The following CSF1 variants were observed in gnomAD, a reference collection of about 807,000 sequenced individuals.
The protein encoded by CSF1 is colony stimulating factor 1.
CSF1 carries 9 observed loss-of-function variants against 48.9 expected under a neutral mutation model. That is an observed-to-expected ratio of 0.18 (90% CI 0.11 to 0.32). The LOEUF is 0.32. CSF1 is among the 10% of genes least tolerant of loss of function. CSF1 has a pLI of 1.00. For synonymous variants in CSF1, 305 were observed against 284.1 expected (o/e 1.07, Z -0.74); for missense variants, 672 against 697.9 (o/e 0.96, Z 0.42).
Position 109,923,472 on chromosome 1 carries a change from T to C in CSF1, c.851T>C (p.Val284Ala). ...GGCTCACCACAGCCTCGCCCCTCTG[T>C]CGGGGCCTTCAACCCCGGGATGGAG... ...IGGSPQPRPS[V>A]GAFNPGMEDI... The change falls in exon 6 of 9, where the codon GTC becomes GCC. Residue 284 changes from valine to alanine, a missense_variant. Around this residue, in one of 3 missense-constraint regions of CSF1, gnomAD observed 591 missense variants for 593.6 expected, o/e 1.00. Transcript: ENST00000329608. 1 of 1,614,102 alleles carries C rather than the reference T, an allele frequency of 6.2e-7. No individual in the cohort carries two copies. Among genetic ancestry groups the C allele is most frequent in the Non-Finnish European group, 8.5e-7 (1 of 1,179,978 alleles).
At chr1:109,917,566 C>T (rs143853954) in intron 4 of CSF1, 103 bp downstream of exon 4, 15 of 1,147,690 alleles carry the variant, frequency 1.3e-5, no homozygotes, top group East Asian at 2.4e-5. Flanking sequence ...CCTCGCCTCA[C>T]GCCATTGCTT....
rs755555991 is a variant in CSF1 at position 109,929,449 on chromosome 1, C to T, written c.*611C>T. ...TGACAGCCTGAAGGGTCTACACCCT[C>T]GGCTCACCTAAGTGCCCTGTGCTGG... On this transcript the variant is annotated 3_prime_UTR_variant, in exon 9 of 9. Transcript: ENST00000329608. The T allele has an allele frequency of 3.3e-5, 5 of 152,668 alleles. No homozygotes were observed. Among genetic ancestry groups the T allele is most frequent in the African/African-American group, 4.8e-5 (2 of 41,442 alleles). 9.5% of individuals were successfully genotyped at this position (152,668 alleles called of 1,614,324 possible). A position where few individuals can be genotyped will look rare whatever the true frequency, so the allele number is the denominator to read the frequency against.
chr1:109,923,331 G>A lies in CSF1; in HGVS notation c.710G>A (p.Gly237Asp). 6.2e-7 allele frequency: 1 copy of A among 1,612,504 alleles called. No individual in the cohort carries two copies. Among genetic ancestry groups the A allele is most frequent in the Non-Finnish European group, 8.5e-7 (1 of 1,179,182 alleles). Residue 237 changes from glycine to aspartate, a missense_variant, in exon 6 of 9, where the codon GGT becomes GAT. Around this residue, in one of 3 missense-constraint regions of CSF1, gnomAD observed 591 missense variants for 593.6 expected, o/e 1.00. Coordinates refer to ENST00000329608, the MANE Select transcript of CSF1 (RefSeq NM_000757.6). The stretch of plus-strand genomic sequence containing the variant: ...ACTGAGGGCAGCTCCCTCTTGCCTG[G>A]TGAGCAGCCCCTGCACACAGTGGAT... ...EGTEGSSLLP[G>D]EQPLHTVDPG...
intron 3 of CSF1, 58 bp downstream of exon 3, chr1:109,915,754 G>A: frequency 2.9e-6 from 4 of 1,384,722 alleles, no homozygotes; most frequent in Non-Finnish European, 4.1e-6. Context: ...TCCCAGGGTG[G>A]GGTGTGTGGG....
chr1:109,924,302 G>A (rs989505679), intron 6 of CSF1, 112 bp downstream of exon 6: 1 of 875,080 alleles, frequency 1.1e-6, no homozygotes, highest in Non-Finnish European at 1.7e-6. Flanking sequence ...TTCAGACACA[G>A]AGAGATAGGG....
At chr1:109,922,200 T>C (rs750624916) in intron 5 of CSF1, 3 of 448,468 alleles carry the variant, frequency 6.7e-6, no homozygotes, top group African/African-American at 2.0e-5. Context: ...GACATGTGTG[T>C]GCATGCACAC....
chr1:109,915,614 T>G lies in CSF1; in HGVS notation c.163-20T>G, dbSNP rs371413707. 6.2e-6 allele frequency: 10 copies of G among 1,610,328 alleles called. No homozygotes were observed. Among genetic ancestry groups the G allele is most frequent in the Non-Finnish European group, 7.6e-6 (9 of 1,176,630 alleles). On this transcript the variant is annotated intron_variant, in intron 2 of 8. Transcript: ENST00000329608. ...GAGCTGTAGGTTACCCTGCAATCGT[T>G]GGCCTGCTCTCTCTTACAGATTGAC...
At chr1:109,926,854 T>C (rs139025935) in intron 8 of CSF1, 1 of 152,246 alleles carries the variant, frequency 6.6e-6, no homozygotes, top group Non-Finnish European at 1.5e-5. Flanking sequence ...CCACTTTTTT[T>C]TGTGTTTCTT....
intron 8 of CSF1, among the ~76,000 whole-genome samples, chr1:109,927,153 A>AT (rs1169626407): frequency 2.6e-5 from 4 of 152,044 alleles, no homozygotes; most frequent in African/African-American, 4.8e-5. Flanking sequence ...TGCCTGACTA[A>AT]TTGGCTGGTT....
At chr1:109,924,487 A>G (rs1347820723) in intron 6 of CSF1, among the ~76,000 whole-genome samples, 1 of 152,078 alleles carries the variant, frequency 6.6e-6, no homozygotes, top group East Asian at 1.9e-4. Flanking sequence ...GAGGAGAGCA[A>G]TGCTGTGTGA....
In CSF1 at chr1:109,911,021, C is replaced by A; in HGVS notation, c.-3C>A. Reference sequence around the variant, plus strand: ...CGCGCCCGGCCGGGACCCAGCTGCCCGTATGACCGCGCCGGGCGCCGCCGG... The same window carrying A: ...CGCGCCCGGCCGGGACCCAGCTGCCAGTATGACCGCGCCGGGCGCCGCCGG... On this transcript the variant is annotated 5_prime_UTR_variant, in exon 1 of 9. Transcript: ENST00000329608. 1 of 1,162,824 alleles carries A rather than the reference C, an allele frequency of 8.6e-7. No homozygotes were observed. The allele number at this position is 1,162,824 out of a possible 1,614,324, so 72.0% of individuals were successfully genotyped here. A position where few individuals can be genotyped will look rare whatever the true frequency, so the allele number is the denominator to read the frequency against.
upstream of CSF1, chr1:109,910,745 GTGTGTGTGTGTA>G (rs1368387963): frequency 1.3e-5 from 4 of 297,858 alleles, no homozygotes; most frequent in East Asian, 3.3e-4. Flanking sequence ...CAGTGTGTGT[GTGTGTGTGTGTA>G]TGTGTGTGTC....
chr1:109,917,503 A>G (rs745557776), intron 4 of CSF1, 40 bp downstream of exon 4: 1 of 1,604,580 alleles, frequency 6.2e-7, no homozygotes, highest in Non-Finnish European at 8.5e-7. Flanking sequence ...GTGAGGGCAG[A>G]GGGTGGCTGT....
In CSF1 at chr1:109,923,529, G is replaced by T. The variant is rs1002067004; in HGVS notation, c.908G>T (p.Trp303Leu). 1.9e-6 allele frequency: 3 copies of T among 1,613,992 alleles called. No homozygotes were observed. The highest frequency in any genetic ancestry group is 1.3e-5 in the African/African-American group (1 of 74,898). The change falls in exon 6 of 9, where the codon TGG becomes TTG. Residue 303 changes from tryptophan (W) to leucine (L), a missense_variant. By Grantham distance (61) the Trp-to-Leu change is moderately conservative. This residue lies in a region of CSF1 where 591 missense variants were observed against 593.6 expected (regional missense o/e 1.00). Coordinates refer to ENST00000329608, the MANE Select transcript of CSF1 (RefSeq NM_000757.6). ...DILDSAMGTN[W>L]VPEEASGEAS... ...CTTGACTCTGCAATGGGCACTAATT[G>T]GGTCCCAGAAGAAGCCTCTGGAGAG...
At chr1:109,910,836 A>G (rs1654645490), upstream of CSF1, 1 of 239,204 alleles carries the variant, frequency 4.2e-6, no homozygotes, top group Non-Finnish European at 7.6e-6. Context: ...GGCTGTGCCG[A>G]GGGCTGGCCA....
Position 109,924,052 on chromosome 1 carries a change from T to G in CSF1, c.1431T>G (p.Thr477=). The G allele has an allele frequency of 1.2e-6, 2 of 1,614,210 alleles. No homozygotes were observed. Among genetic ancestry groups the G allele is most frequent in the South Asian group, 1.1e-5 (1 of 91,088 alleles). ...PLPRFNSVPL[T]DTGHERQSEG... is the part of the protein sequence containing the mutation. Reference sequence around the variant, plus strand: ...CCCGTTTTAACTCCGTTCCTTTGACTGACACAGGCCATGAGAGGCAGTCCG... The same window carrying G: ...CCCGTTTTAACTCCGTTCCTTTGACGGACACAGGCCATGAGAGGCAGTCCG... The change falls in exon 6 of 9, where the codon ACT becomes ACG. Residue 477 remains threonine (T), a synonymous_variant. Coordinates refer to ENST00000329608, the MANE Select transcript of CSF1 (RefSeq NM_000757.6).
chr1:109,911,526 G>A (rs1309770659), intron 1 of CSF1, among the ~76,000 whole-genome samples: 1 of 152,186 alleles, frequency 6.6e-6, no homozygotes, highest in Non-Finnish European at 1.5e-5. Context: ...AAGTTCAGGG[G>A]GTCAACCAGC....
At chr1:109,916,632 T>C (rs1307737212) in intron 3 of CSF1, among the ~76,000 whole-genome samples, 1 of 152,216 alleles carries the variant, frequency 6.6e-6, no homozygotes, top group Non-Finnish European at 1.5e-5. Context: ...AAGTTGCCCC[T>C]GTTTCTGAGC....
chr1:109,922,036 A>G, intron 5 of CSF1, 42 bp downstream of exon 5: 1 of 1,543,854 alleles, frequency 6.5e-7, no homozygotes, highest in South Asian at 1.2e-5. Flanking sequence ...GGGTGGTAGC[A>G]TATGGAATGG....
Sources: gnomAD v4.1 joint callset for allele counts (sites outside exome capture counted in the v4.1 genomes callset) on GRCh38, gnomAD v4.1.1 for gene constraint, gnomAD v4.1.1 regional missense constraint, MANE v1.5 for transcripts, NCBI Gene and HGNC (gene_info 2026-07-23, HGNC 2026-07-21) for gene names.